The following PNISR variants were observed in gnomAD, a reference collection of about 807,000 sequenced individuals.
The protein encoded by PNISR is PNN interacting serine and arginine rich protein.
In PNISR, 20 loss-of-function variants were observed where a neutral mutation model predicts 93.4. The observed-to-expected ratio is 0.21, with a 90% CI of 0.15 to 0.31. The LOEUF is 0.31. Among genes scored for constraint, PNISR ranks in the 10% least tolerant of loss-of-function variants. The pLI is 1.00. For missense variants in PNISR, 893 were observed against 985.4 expected (o/e 0.91, Z 1.25); for synonymous variants, 305 against 306.5 (o/e 0.99, Z 0.05).
chr6:99,409,082 A>G (rs1375426157), intron 6 of PNISR, 91 bp downstream of exon 6: 30 of 1,020,102 alleles, frequency 2.9e-5, no homozygotes, highest in Non-Finnish European at 4.4e-5. Context: ...CATCAGAGAT[A>G]CTCAAACAAT....
rs560092588 is a variant in PNISR at position 99,419,387 on chromosome 6, C to A, written c.-111-2959G>T. ...GCAAGTTAAATAAGTTAGAGTGAAC[C>A]ATACAGTTGATTCCTATTCAGCCAT... On this transcript the variant is annotated intron_variant, in intron 1 of 11. Coordinates refer to ENST00000369239, the MANE Select transcript of PNISR (RefSeq NM_032870.4). Among the ~76,000 whole-genome samples the A allele has an allele frequency of 1.2e-3, 178 of 151,922 alleles. 1 individual carries two copies. Among genetic ancestry groups the A allele is most frequent in the African/African-American group, 4.0e-3 (165 of 41,426 alleles).
At chr6:99,424,839 T>C (rs969753386) in intron 1 of PNISR, 2 of 177,146 alleles carry the variant, frequency 1.1e-5, no homozygotes, top group Non-Finnish European at 2.3e-5. Flanking sequence ...TCAAAGGGTA[T>C]AAGCTCCAGG....
intron 6 of PNISR, 51 bp from the exon 7 acceptor site, chr6:99,408,322 A>G (rs1776415072): frequency 7.7e-7 from 1 of 1,292,528 alleles, no homozygotes; most frequent in Admixed American, 2.2e-5. Context: ...AAATATTTCT[A>G]CAAACTTGTG....
intron 10 of PNISR, chr6:99,403,272 T>C (rs922551321): frequency 6.6e-6 from 1 of 152,326 alleles, no homozygotes; most frequent in Admixed American, 6.5e-5. Context: ...GAAATGAAGA[T>C]GTGGAAAAGG....
intron 7 of PNISR, among the ~76,000 whole-genome samples, chr6:99,406,953 G>A (rs1159612650): frequency 1.3e-5 from 2 of 151,998 alleles, no homozygotes; most frequent in Admixed American, 6.6e-5. Flanking sequence ...GGAGAAAAGA[G>A]GAAGGAAAAT....
At chr6:99,422,772 G>A (rs1778733691) in intron 1 of PNISR, among the ~76,000 whole-genome samples, 1 of 151,250 alleles carries the variant, frequency 6.6e-6, no homozygotes, top group Admixed American at 6.6e-5. Flanking sequence ...TACTTAGCAG[G>A]CTGAGGCAGG....
chr6:99,425,020 A>T (rs1212123820), intron 1 of PNISR, 195 bp downstream of exon 1: 6 of 390,224 alleles, frequency 1.5e-5, no homozygotes, highest in Non-Finnish European at 2.2e-5. Flanking sequence ...TAACAAGGAC[A>T]TTTCCTTTTC....
At chr6:99,413,386 GTATC>G (rs956059207) in intron 3 of PNISR, among the ~76,000 whole-genome samples, 40 of 134,130 alleles carry the variant, frequency 3.0e-4, no homozygotes, top group Non-Finnish European at 5.3e-4. Flanking sequence ...AAATTTTTAC[GTATC>G]TATCCATCCA....
At chr6:99,406,602 A>C (rs1287388213) in intron 7 of PNISR, among the ~76,000 whole-genome samples, 1 of 152,206 alleles carries the variant, frequency 6.6e-6, no homozygotes, top group Non-Finnish European at 1.5e-5. Flanking sequence ...CTAAAGTTGC[A>C]CGACTTAAAA....
intron 2 of PNISR, 118 bp from the exon 3 acceptor site, chr6:99,414,808 A>G: frequency 2.1e-6 from 1 of 478,048 alleles, no homozygotes; most frequent in Non-Finnish European, 3.6e-6. Context: ...AATTCTTGTC[A>G]ATAGCTTGCC....
chr6:99,404,304 T>C (rs1775866889), intron 9 of PNISR: 1 of 420,244 alleles, frequency 2.4e-6, no homozygotes, highest in Admixed American at 4.0e-5. Context: ...CACACAACAA[T>C]GCCATGTTAT....
Position 99,400,396 on chromosome 6 carries a change from A to G in PNISR, c.*144T>C, listed in dbSNP as rs1325281718. 35 of 1,202,202 alleles carry G rather than the reference A, an allele frequency of 2.9e-5. No homozygotes were observed. 74.5% of individuals were successfully genotyped at this position (1,202,202 alleles called of 1,614,324 possible). ...TGCAATTTTAAATAAATAATATTATATAGGATTTCTAACATTTAAGACTAT... is the reference window on the plus strand; with the variant it reads ...TGCAATTTTAAATAAATAATATTATGTAGGATTTCTAACATTTAAGACTAT... On this transcript the variant is annotated 3_prime_UTR_variant, in exon 12 of 12. Transcript: ENST00000369239.
At chr6:99,407,055 A>G (rs1047446323) in intron 7 of PNISR, among the ~76,000 whole-genome samples, 1 of 152,086 alleles carries the variant, frequency 6.6e-6, no homozygotes, top group Non-Finnish European at 1.5e-5. Context: ...CAGAGTGGCT[A>G]ATGTCTGTAA....
At chr6:99,423,663 G>A (rs550828163) in intron 1 of PNISR, among the ~76,000 whole-genome samples, 10 of 152,248 alleles carry the variant, frequency 6.6e-5, no homozygotes, top group African/African-American at 1.7e-4. Flanking sequence ...TGAGAAAATC[G>A]TCTGGCAAAT....
intron 1 of PNISR, among the ~76,000 whole-genome samples, chr6:99,420,119 G>A (rs1403146241): frequency 2.0e-5 from 3 of 152,074 alleles, no homozygotes; most frequent in African/African-American, 2.4e-5. Context: ...TCCTGACCTC[G>A]TGATCCTCCC....
intron 3 of PNISR, among the ~76,000 whole-genome samples, chr6:99,413,563 CGATT>C (rs1777266470): frequency 6.6e-6 from 1 of 151,932 alleles, no homozygotes; most frequent in Non-Finnish European, 1.5e-5. Flanking sequence ...TGAGCTCAAG[CGATT>C]TGCCCACCTC....
intron 1 of PNISR, among the ~76,000 whole-genome samples, chr6:99,424,601 T>C (rs1286443271): frequency 6.6e-6 from 1 of 152,222 alleles, no homozygotes; most frequent in Non-Finnish European, 1.5e-5. Flanking sequence ...TAAAAAGATG[T>C]AAAAGATTAA....
intron 6 of PNISR, 48 bp downstream of exon 6, chr6:99,409,125 A>C (rs764418159): frequency 1.4e-6 from 2 of 1,446,302 alleles, no homozygotes; most frequent in Non-Finnish European, 1.9e-6. Flanking sequence ...TTTATATGAT[A>C]AAAAAGTCAT....
At chr6:99,416,553 A>G (rs1777727722) in intron 1 of PNISR, 125 bp from the exon 2 acceptor site, 1 of 395,230 alleles carries the variant, frequency 2.5e-6, no homozygotes, top group African/African-American at 2.1e-5. Flanking sequence ...TTAACTTTAT[A>G]ATGGGGAATT....
Sources: allele counts gnomAD v4.1 joint callset (sites outside exome capture counted in the v4.1 genomes callset), GRCh38; gene constraint gnomAD v4.1.1; transcripts MANE v1.5; gene names NCBI Gene and HGNC (gene_info 2026-07-23, HGNC 2026-07-21).